Variants in TMEM132D observed in about 807,000 individuals in gnomAD.
The protein encoded by TMEM132D is transmembrane protein 132D.
Under a neutral mutation model 62.3 loss-of-function variants are expected in TMEM132D, and 21 were observed. That is an observed-to-expected ratio of 0.34 (90% confidence interval 0.24 to 0.49). TMEM132D has a LOEUF of 0.49. Ranked by LOEUF, TMEM132D falls within the 20% of genes least tolerant of loss-of-function variation. TMEM132D has a pLI of 0.99. For missense variants in TMEM132D, 1,346 were observed against 1,402.8 expected (o/e 0.96, Z 0.65); for synonymous variants, 621 against 575.6 (o/e 1.08, Z -1.13).
intron 3 of TMEM132D, among the ~76,000 whole-genome samples, chr12:129,352,767 G>A (rs961079927): frequency 2.6e-5 from 4 of 152,144 alleles, no homozygotes; most frequent in Non-Finnish European, 4.4e-5. Flanking sequence ...AACAATAGAT[G>A]TTGGCGAGGC....
At chr12:129,706,216 A>C (rs1435263858) in intron 1 of TMEM132D, among the ~76,000 whole-genome samples, 1 of 152,042 alleles carries the variant, frequency 6.6e-6, no homozygotes, top group East Asian at 1.9e-4. Context: ...TTAAAAGAAA[A>C]AAAAGTTAAG....
At chr12:129,711,038 C>G (rs1881629488) in intron 1 of TMEM132D, among the ~76,000 whole-genome samples, 1 of 151,750 alleles carries the variant, frequency 6.6e-6, no homozygotes, top group Non-Finnish European at 1.5e-5. Context: ...ATTTGCATCT[C>G]CAGACTGGAA....
At chr12:129,156,849 A>G (rs570673269) in intron 5 of TMEM132D, among the ~76,000 whole-genome samples, 1 of 152,258 alleles carries the variant, frequency 6.6e-6, no homozygotes, top group South Asian at 2.1e-4. Context: ...CACTTTTGTG[A>G]TAAGCCACTT....
intron 3 of TMEM132D, among the ~76,000 whole-genome samples, chr12:129,387,227 A>G (rs2135690994): frequency 8.3e-6 from 1 of 120,548 alleles, no homozygotes; most frequent in African/African-American, 3.9e-5. Context: ...TAACACTAAT[A>G]TAACACTAAC....
At chr12:129,390,998 G>A (rs549847579) in intron 3 of TMEM132D, among the ~76,000 whole-genome samples, 19 of 152,294 alleles carry the variant, frequency 1.2e-4, no homozygotes, top group African/African-American at 4.1e-4. Context: ...ACACACTCAT[G>A]CATATCTAGC....
At chr12:129,226,098 T>A (rs1015334280) in intron 4 of TMEM132D, among the ~76,000 whole-genome samples, 1 of 152,220 alleles carries the variant, frequency 6.6e-6, no homozygotes, top group Non-Finnish European at 1.5e-5. Flanking sequence ...GTTGATTGCG[T>A]GTTATTTTCG....
At chr12:129,561,711 C>T (rs1167105325) in intron 2 of TMEM132D, among the ~76,000 whole-genome samples, 2 of 152,190 alleles carry the variant, frequency 1.3e-5, no homozygotes, top group Non-Finnish European at 2.9e-5. Context: ...ATTTGTTTAT[C>T]TCTGGGTTCT....
chr12:129,562,334 G>A (rs1010687747), intron 2 of TMEM132D, among the ~76,000 whole-genome samples: 3 of 152,196 alleles, frequency 2.0e-5, no homozygotes, highest in African/African-American at 7.2e-5. Flanking sequence ...GAAGACCAGA[G>A]TGTTGCTGCA....
chr12:129,348,407 G>T (rs1432779339), intron 3 of TMEM132D, among the ~76,000 whole-genome samples: 2 of 152,170 alleles, frequency 1.3e-5, no homozygotes, highest in Non-Finnish European at 2.9e-5. Context: ...CCTTTGCAGG[G>T]ACATGGATGA....
intron 1 of TMEM132D, among the ~76,000 whole-genome samples, chr12:129,797,632 G>A (rs1565988914): frequency 6.6e-6 from 1 of 152,310 alleles, no homozygotes; most frequent in East Asian, 1.9e-4. Context: ...ATGGTTCTGA[G>A]TTATGGAAAT....
At chr12:129,402,102 G>C (rs1871640632) in intron 3 of TMEM132D, among the ~76,000 whole-genome samples, 2 of 152,170 alleles carry the variant, frequency 1.3e-5, no homozygotes, top group Admixed American at 1.3e-4. Context: ...CTGCCAGGGT[G>C]AAATGTGCTG....
At chr12:129,525,336 T>C (rs776174178) in intron 3 of TMEM132D, among the ~76,000 whole-genome samples, 1 of 148,686 alleles carries the variant, frequency 6.7e-6, no homozygotes, top group Non-Finnish European at 1.5e-5. Context: ...GCAGAAGTTA[T>C]TAAAACAAAC....
At chr12:129,313,635 C>T (rs181118190) in intron 4 of TMEM132D, among the ~76,000 whole-genome samples, 4 of 151,944 alleles carry the variant, frequency 2.6e-5, no homozygotes, top group Non-Finnish European at 5.9e-5. Flanking sequence ...GATGGTTCCA[C>T]GATTTTGCAA....
chr12:129,722,248 A>G (rs1321204327), intron 1 of TMEM132D, among the ~76,000 whole-genome samples: 2 of 152,166 alleles, frequency 1.3e-5, no homozygotes, highest in African/African-American at 4.8e-5. Flanking sequence ...CAGACACACA[A>G]TCTGTTGTCA....
chr12:129,191,992 C>T lies in TMEM132D; in HGVS notation c.1443+17528G>A, dbSNP rs528441987. 2.8e-4 allele frequency among the ~76,000 whole-genome samples: 42 copies of T among 152,330 alleles called. No homozygotes were observed. The East Asian group carries it at 4.6e-3, about 17-fold the overall frequency. On this transcript the variant is annotated intron_variant, in intron 5 of 8. Transcript: ENST00000422113. ...AAACATTTTAATTTTGAATTCTGTA[C>T]GAAAGCTTCCATCATATCTTCTGAA...
chr12:129,690,966 T>C (rs1169321409), intron 2 of TMEM132D, among the ~76,000 whole-genome samples: 1 of 152,086 alleles, frequency 6.6e-6, no homozygotes, highest in East Asian at 1.9e-4. Context: ...ATATTTAAAA[T>C]AGAAATTATG....
At chr12:129,896,857 C>A (rs1875155610) in intron 1 of TMEM132D, among the ~76,000 whole-genome samples, 1 of 152,134 alleles carries the variant, frequency 6.6e-6, no homozygotes, top group African/African-American at 2.4e-5. Flanking sequence ...TATTTGAATT[C>A]TCTTTCAAAG....
chr12:129,355,307 A>G (rs896085698), intron 3 of TMEM132D, among the ~76,000 whole-genome samples: 1 of 152,074 alleles, frequency 6.6e-6, no homozygotes, highest in Non-Finnish European at 1.5e-5. Flanking sequence ...TTTCCAGAAT[A>G]GAAACTCAAC....
chr12:129,457,435 T>G, intron 3 of TMEM132D, among the ~76,000 whole-genome samples: 1 of 107,420 alleles, frequency 9.3e-6, no homozygotes, highest in Non-Finnish European at 1.9e-5. Context: ...CACCGGGGCC[T>G]GTTGTGGGGT....
Sources: allele counts gnomAD v4.1 joint callset (sites outside exome capture counted in the v4.1 genomes callset), GRCh38; gene constraint gnomAD v4.1.1; transcripts MANE v1.5; gene names NCBI Gene and HGNC (gene_info 2026-07-23, HGNC 2026-07-21).